TNR: variants seen among roughly 807,000 people sequenced by gnomAD.
The protein encoded by TNR is tenascin R.
TNR carries 45 observed loss-of-function variants against 150.4 expected under a neutral mutation model. The observed-to-expected ratio is 0.30, with a 90% CI of 0.24 to 0.38. The LOEUF (loss-of-function observed/expected upper bound fraction) is 0.38, where lower values mean the gene tolerates loss of function less well. Among genes scored for constraint, TNR ranks in the 10% least tolerant of loss-of-function variants. The pLI is 1.00. For synonymous variants in TNR, 687 were observed against 678.4 expected (o/e 1.01, Z -0.20); for missense variants, 1,544 against 1,759.1 (o/e 0.88, Z 2.19).
At chr1:175,432,669 A>ATT (rs34341419) in intron 2 of TNR, among the ~76,000 whole-genome samples, 3 of 149,254 alleles carry the variant, frequency 2.0e-5, no homozygotes, top group South Asian at 4.3e-4. Flanking sequence ...CTTGCTGAGT[A>ATT]TTTTTTTTTA....
In TNR at chr1:175,363,768, A is replaced by G; in HGVS notation, c.2647T>C (p.Ser883Pro). ...AAAGATGCAACAGGAGGGCTCCAGG[A>G]GACCATCACTGAGTCCTTGGTCACA... is the stretch of plus-strand genomic sequence containing the variant. ...SNVTKDSVMV[S>P]WSPPVASFDY... is the part of the protein sequence containing the mutation. Residue 883 changes from serine to proline, a missense_variant, in exon 13 of 23, where the codon TCC becomes CCC. By Grantham distance (74) the Ser-to-Pro change is moderately conservative. Transcript: ENST00000367674. 2 of 1,614,004 alleles carry G rather than the reference A, an allele frequency of 1.2e-6. No individual in the cohort carries two copies. The highest frequency in any genetic ancestry group is 1.7e-6 in the Non-Finnish European group (2 of 1,179,880).
chr1:175,659,093 C>A (rs1408668478), intron 1 of TNR, among the ~76,000 whole-genome samples: 1 of 152,196 alleles, frequency 6.6e-6, no homozygotes, highest in Non-Finnish European at 1.5e-5. Context: ...CAAGCATTGC[C>A]CCAGCAGTCT....
Position 175,693,888 on chromosome 1 carries a change from C to G in TNR, c.-165+49338G>C, listed in dbSNP as rs112022670. 7.1e-3 allele frequency among the ~76,000 whole-genome samples: 1,083 copies of G among 152,348 alleles called. 15 individuals are homozygous for G. The highest frequency in any genetic ancestry group is 0.025 in the African/African-American group (1,027 of 41,584). Reference sequence around the variant, plus strand: ...TGCTGAAGTACATTTCAACTGCTCTCTTGTCCTTAACTTATTCATGTATAT... The same window carrying G: ...TGCTGAAGTACATTTCAACTGCTCTGTTGTCCTTAACTTATTCATGTATAT... On this transcript the variant is annotated intron_variant, in intron 1 of 22. Transcript: ENST00000367674.
chr1:175,355,944 C>T (rs868171708), intron 16 of TNR, among the ~76,000 whole-genome samples: 5 of 152,258 alleles, frequency 3.3e-5, no homozygotes, highest in South Asian at 2.1e-4. Context: ...CTTGTTCACT[C>T]GTGAACTTAC....
At chr1:175,380,901 T>C (rs1652643250) in intron 8 of TNR, among the ~76,000 whole-genome samples, 1 of 152,238 alleles carries the variant, frequency 6.6e-6, no homozygotes, top group African/African-American at 2.4e-5. Flanking sequence ...ACTGTTTTAA[T>C]ATGCAAAAGC....
chr1:175,373,384 A>G (rs1407934362), intron 9 of TNR, among the ~76,000 whole-genome samples: 1 of 152,198 alleles, frequency 6.6e-6, no homozygotes, highest in Non-Finnish European at 1.5e-5. Context: ...GATAGGCACC[A>G]ATCTACTTTT....
At chr1:175,419,284 A>C (rs1287489746) in intron 2 of TNR, among the ~76,000 whole-genome samples, 1 of 152,150 alleles carries the variant, frequency 6.6e-6, no homozygotes, top group African/African-American at 2.4e-5. Context: ...TGGACTTTTA[A>C]ATGTGTTCAA....
chr1:175,629,773 A>G (rs918537011), intron 1 of TNR, among the ~76,000 whole-genome samples: 11 of 152,222 alleles, frequency 7.2e-5, no homozygotes, highest in Non-Finnish European at 4.4e-5. Context: ...AATTGCTACA[A>G]AATAGCCTTG....
At chr1:175,469,350 C>A (rs1167238566) in intron 2 of TNR, among the ~76,000 whole-genome samples, 1 of 152,118 alleles carries the variant, frequency 6.6e-6, no homozygotes, top group Non-Finnish European at 1.5e-5. Flanking sequence ...AAGAATGCAC[C>A]CACTGCCCTC....
chr1:175,594,206 A>T (rs1171225671), intron 1 of TNR, among the ~76,000 whole-genome samples: 1 of 151,742 alleles, frequency 6.6e-6, no homozygotes, highest in Admixed American at 6.6e-5. Flanking sequence ...TGGGAATGTT[A>T]TTCTGGGGCC....
intron 2 of TNR, among the ~76,000 whole-genome samples, chr1:175,441,494 T>C (rs1655787426): frequency 6.6e-6 from 1 of 152,218 alleles, no homozygotes; most frequent in Admixed American, 6.5e-5. Context: ...GTACTATATA[T>C]ATATTAAAGG....
intron 7 of TNR, 78 bp downstream of exon 7, chr1:175,391,210 C>T (rs1653150098): frequency 1.9e-6 from 3 of 1,551,514 alleles, no homozygotes; most frequent in Non-Finnish European, 2.6e-6. Flanking sequence ...GTTGTCTCTC[C>T]ACTCCTTGGG....
At chr1:175,731,368 A>G (rs1667636544) in intron 1 of TNR, among the ~76,000 whole-genome samples, 1 of 152,198 alleles carries the variant, frequency 6.6e-6, no homozygotes, top group African/African-American at 2.4e-5. Flanking sequence ...AATTGGCAGT[A>G]ATCAATAGCA....
At chr1:175,435,516 T>A (rs1169998593) in intron 2 of TNR, among the ~76,000 whole-genome samples, 2 of 152,182 alleles carry the variant, frequency 1.3e-5, no homozygotes, top group African/African-American at 4.8e-5. Context: ...CAGGAAGTCA[T>A]ACTGAGGGGA....
chr1:175,462,437 T>C (rs190154453), intron 2 of TNR, among the ~76,000 whole-genome samples: 2 of 152,304 alleles, frequency 1.3e-5, no homozygotes, highest in African/African-American at 2.4e-5. Flanking sequence ...GCTCTTTGGT[T>C]CAAACAAGCT....
intron 1 of TNR, among the ~76,000 whole-genome samples, chr1:175,571,036 C>A (rs1433399921): frequency 6.6e-6 from 1 of 152,166 alleles, no homozygotes; most frequent in East Asian, 1.9e-4. Context: ...TTGTGGCACT[C>A]TCTGCTCTTC....
At chr1:175,609,230 T>G (rs911462648) in intron 1 of TNR, among the ~76,000 whole-genome samples, 4 of 152,212 alleles carry the variant, frequency 2.6e-5, no homozygotes, top group Admixed American at 2.6e-4. Flanking sequence ...GAATGACATC[T>G]GTAACCCAGT....
intron 1 of TNR, among the ~76,000 whole-genome samples, chr1:175,573,722 G>A (rs1353139662): frequency 6.6e-6 from 1 of 152,212 alleles, no homozygotes; most frequent in Non-Finnish European, 1.5e-5. Flanking sequence ...CACGGCTGGG[G>A]GTGGCAGGGT....
rs929965627 is a variant in TNR at position 175,386,227 on chromosome 1, G to A, written c.1582C>T (p.Arg528Ter). The A allele has an allele frequency of 6.2e-7, 1 of 1,609,374 alleles. No individual in the cohort carries two copies. Among genetic ancestry groups the A allele is most frequent in the Non-Finnish European group, 8.5e-7 (1 of 1,176,394 alleles). ...TVAFVEWIPPRAKVDFILLKY... is the reference protein window; with the variant it reads ...TVAFVEWIPP Reference sequence around the variant, plus strand: ...AAAAGAATGAAATCGACTTTGGCTCGAGGGGGAATCCACTCCACAAAAGCC... The same window carrying A: ...AAAAGAATGAAATCGACTTTGGCTCAAGGGGGAATCCACTCCACAAAAGCC... Residue 528 changes from arginine to a stop codon, truncating the protein, a stop_gained, in exon 8 of 23, where the codon CGA becomes TGA. Transcript: ENST00000367674. LOFTEE classifies it high-confidence loss of function.
Sources: gnomAD v4.1 joint callset for allele counts (sites outside exome capture counted in the v4.1 genomes callset) on GRCh38, gnomAD v4.1.1 for gene constraint, MANE v1.5 for transcripts, NCBI Gene and HGNC (gene_info 2026-07-23, HGNC 2026-07-21) for gene names.